The following SH3RF3 variants were observed in gnomAD, a reference collection of about 807,000 sequenced individuals.
SH3RF3 encodes SH3 domain containing ring finger 3.
A neutral mutation model predicts 66.3 loss-of-function variants in SH3RF3; 29 were observed. That is an observed-to-expected ratio of 0.44 (90% CI 0.33 to 0.60). The LOEUF (loss-of-function observed/expected upper bound fraction) is 0.60. Among genes scored for constraint, SH3RF3 ranks in the 20% least tolerant of loss-of-function variants. The probability of loss-of-function intolerance (pLI) is 0.04; values close to 1 mark genes in which losing one functional copy is unlikely to be tolerated. For missense variants in SH3RF3, 1,194 were observed against 1,190.9 expected, an observed-to-expected ratio of 1.00 and a Z score of -0.04; for synonymous variants, 583 against 532.0, an observed-to-expected ratio of 1.10 and a Z score of -1.32.
chr2:109,393,643 T>G, intron 3 of SH3RF3, among the ~76,000 whole-genome samples: 1 of 151,996 alleles, frequency 6.6e-6, no homozygotes, highest in Non-Finnish European at 1.5e-5. Flanking sequence ...CTTCCTGGAT[T>G]TCCACCAAGA....
intron 1 of SH3RF3, among the ~76,000 whole-genome samples, chr2:109,192,402 T>G (rs1165233866): frequency 6.6e-6 from 1 of 152,352 alleles, no homozygotes; most frequent in East Asian, 1.9e-4. Context: ...ATAGCATATG[T>G]TACTCATAGA....
At chr2:109,231,509 G>C (rs1418512426) in intron 1 of SH3RF3, among the ~76,000 whole-genome samples, 1 of 152,112 alleles carries the variant, frequency 6.6e-6, no homozygotes, top group African/African-American at 2.4e-5. Context: ...CATCTATGAA[G>C]AATAAATATC....
At chr2:109,204,453 TG>T (rs1317463758) in intron 1 of SH3RF3, among the ~76,000 whole-genome samples, 1 of 152,266 alleles carries the variant, frequency 6.6e-6, no homozygotes, top group Non-Finnish European at 1.5e-5. Context: ...TTGTTAAAAC[TG>T]GGTTCACTTG....
At chr2:109,317,422 G>A (rs758694734) in intron 1 of SH3RF3, among the ~76,000 whole-genome samples, 3 of 152,042 alleles carry the variant, frequency 2.0e-5, no homozygotes, top group Non-Finnish European at 4.4e-5. Context: ...GCTCAGAAGG[G>A]ACACTGTCTA....
At chr2:109,311,697 T>G (rs1331563537) in intron 1 of SH3RF3, among the ~76,000 whole-genome samples, 1 of 152,228 alleles carries the variant, frequency 6.6e-6, no homozygotes, top group Non-Finnish European at 1.5e-5. Context: ...TTCTGACTGA[T>G]GTACCCTGGT....
At chr2:109,315,629 C>T (rs1472870486) in intron 1 of SH3RF3, among the ~76,000 whole-genome samples, 1 of 152,182 alleles carries the variant, frequency 6.6e-6, no homozygotes, top group Non-Finnish European at 1.5e-5. Flanking sequence ...CGTGTGTGTC[C>T]AGAGAAGAGA....
chr2:109,343,649 T>C (rs1304494970), intron 1 of SH3RF3, among the ~76,000 whole-genome samples: 1 of 152,026 alleles, frequency 6.6e-6, no homozygotes, highest in Non-Finnish European at 1.5e-5. Context: ...AGCAGGTGGG[T>C]TGGGGCCAGC....
At chr2:109,169,547 A>G (rs1677709119) in intron 1 of SH3RF3, among the ~76,000 whole-genome samples, 1 of 152,070 alleles carries the variant, frequency 6.6e-6, no homozygotes, top group Non-Finnish European at 1.5e-5. Context: ...TGTAGCTTCT[A>G]AGGGGTCCAG....
At chr2:109,273,354 C>G (rs186368769) in intron 1 of SH3RF3, among the ~76,000 whole-genome samples, 1 of 152,342 alleles carries the variant, frequency 6.6e-6, no homozygotes, top group East Asian at 1.9e-4. Flanking sequence ...TTGGTCATCC[C>G]AAGCTCCATT....
chr2:109,276,692 C>G (rs1453597191), intron 1 of SH3RF3, among the ~76,000 whole-genome samples: 1 of 152,068 alleles, frequency 6.6e-6, no homozygotes, highest in South Asian at 2.1e-4. Flanking sequence ...AGATAGAGAC[C>G]CTTTTTGGCT....
At chr2:109,383,216 C>G (rs1675741855) in intron 3 of SH3RF3, among the ~76,000 whole-genome samples, 1 of 152,224 alleles carries the variant, frequency 6.6e-6, no homozygotes, top group South Asian at 2.1e-4. Context: ...ATGACAGCAG[C>G]ACTTCTTGGC....
At position 109,167,378 on chromosome 2, in the gene SH3RF3, G is replaced by A. The variant is rs548925502; in HGVS notation, c.573+37265G>A. Among the ~76,000 whole-genome samples, 10 of 152,282 alleles carry A rather than the reference G, an allele frequency of 6.6e-5. No individual in the cohort carries two copies. In the South Asian group the frequency reaches 1.9e-3, roughly 28 times the overall value. ...AATTATTAGCTCTCTCTGATGCCTG[G>A]ACCATATTTGATATAAAAGTATTGG... On this transcript the variant is annotated intron_variant, in intron 1 of 9. Coordinates refer to ENST00000309415, the MANE Select transcript of SH3RF3 (RefSeq NM_001099289.3).
intron 1 of SH3RF3, among the ~76,000 whole-genome samples, chr2:109,308,999 G>A (rs1446206888): frequency 1.1e-4 from 9 of 80,488 alleles, no homozygotes; most frequent in African/African-American, 4.6e-4. Flanking sequence ...CATTGAATCT[G>A]TAAATTACCT....
intron 8 of SH3RF3, among the ~76,000 whole-genome samples, chr2:109,464,962 C>CT (rs1189169013): frequency 6.6e-6 from 1 of 152,230 alleles, no homozygotes; most frequent in African/African-American, 2.4e-5. Context: ...CCTCTGTGCT[C>CT]TGCCTGTTGA....
chr2:109,499,959 C>T (rs1035413203), intron 9 of SH3RF3, among the ~76,000 whole-genome samples: 1 of 151,952 alleles, frequency 6.6e-6, no homozygotes, highest in Non-Finnish European at 1.5e-5. Flanking sequence ...AGGGAGGCAG[C>T]GAGTGGGGGC....
intron 1 of SH3RF3, among the ~76,000 whole-genome samples, chr2:109,210,907 C>G (rs573128509): frequency 1.1e-4 from 16 of 152,204 alleles, no homozygotes; most frequent in Non-Finnish European, 2.4e-4. Flanking sequence ...CCCCACTTGA[C>G]ACGTGGTGGA....
At chr2:109,454,575 C>T (rs998996449) in intron 8 of SH3RF3, among the ~76,000 whole-genome samples, 4 of 152,148 alleles carry the variant, frequency 2.6e-5, no homozygotes, top group African/African-American at 9.7e-5. Context: ...CTGAGGTTCC[C>T]CAAGGCTCTG....
chr2:109,354,522 G>A (rs1682906183), intron 2 of SH3RF3, among the ~76,000 whole-genome samples: 1 of 152,220 alleles, frequency 6.6e-6, no homozygotes, highest in African/African-American at 2.4e-5. Flanking sequence ...GGAAATCTTA[G>A]GCACTGGATG....
chr2:109,237,472 G>A (rs1679676440), intron 1 of SH3RF3, among the ~76,000 whole-genome samples: 1 of 152,216 alleles, frequency 6.6e-6, no homozygotes, highest in Non-Finnish European at 1.5e-5. Context: ...CCAGCATGAT[G>A]GATTGGAAGT....
Sources: gnomAD v4.1 joint callset for allele counts (sites outside exome capture counted in the v4.1 genomes callset) on GRCh38, gnomAD v4.1.1 for gene constraint, MANE v1.5 for transcripts, NCBI Gene and HGNC (gene_info 2026-07-23, HGNC 2026-07-21) for gene names.